ME3: variants seen among roughly 807,000 people sequenced by gnomAD.
The protein encoded by ME3 is malic enzyme 3.
ME3 carries 48 observed loss-of-function variants against 68.9 expected under a neutral mutation model. The observed-to-expected ratio is 0.70, with a 90% CI of 0.55 to 0.89. The LOEUF is 0.89. Among genes scored for constraint, ME3 ranks in the 40% least tolerant of loss-of-function variants. The pLI is 0.00. For synonymous variants in ME3, 320 were observed against 318.8 expected (o/e 1.00, Z -0.04); for missense variants, 675 against 797.4 (o/e 0.85, Z 1.85).
intron 7 of ME3, among the ~76,000 whole-genome samples, chr11:86,481,882 C>G (rs916174841): frequency 6.6e-6 from 1 of 152,172 alleles, no homozygotes; most frequent in Non-Finnish European, 1.5e-5. Flanking sequence ...TTATTCCATG[C>G]TCAGGGCAGA....
rs144532320 is a variant in ME3 at position 86,540,361 on chromosome 11, C to T, written c.467+16192G>A. 3.1e-3 allele frequency among the ~76,000 whole-genome samples: 466 copies of T among 152,334 alleles called. 4 individuals carry two copies. Among genetic ancestry groups the T allele is most frequent in the African/African-American group, 0.011 (453 of 41,568 alleles). On this transcript the variant is annotated intron_variant, in intron 4 of 14. Transcript: ENST00000543262. ...CCAGTCTACCGCTACTGGACATTCT[C>T]TCTTACATGTTAGCCCTGTATGTAA...
At chr11:86,532,484 C>G (rs1443776779) in intron 4 of ME3, among the ~76,000 whole-genome samples, 1 of 152,132 alleles carries the variant, frequency 6.6e-6, no homozygotes, top group African/African-American at 2.4e-5. Context: ...CAGGTCTTAA[C>G]AAATTTAAGG....
At chr11:86,460,349 G>A (rs545241238) in intron 8 of ME3, among the ~76,000 whole-genome samples, 7 of 152,188 alleles carry the variant, frequency 4.6e-5, no homozygotes, top group Non-Finnish European at 8.8e-5. Flanking sequence ...GCCCCTTGGG[G>A]TCAGTGATTC....
intron 12 of ME3, 146 bp downstream of exon 12, chr11:86,446,919 T>C (rs775742797): frequency 2.6e-6 from 3 of 1,134,634 alleles, no homozygotes; most frequent in Non-Finnish European, 3.7e-6. Flanking sequence ...CCTTATTAGC[T>C]CTTTGACCTT....
intron 2 of ME3, among the ~76,000 whole-genome samples, chr11:86,633,546 A>T (rs1259042056): frequency 6.6e-6 from 1 of 152,200 alleles, no homozygotes; most frequent in Non-Finnish European, 1.5e-5. Flanking sequence ...AAGAGAAATG[A>T]AAAGGTGCTA....
chr11:86,670,190 G>A lies in ME3; in HGVS notation c.183+1572C>T, dbSNP rs371446345. Among the ~76,000 whole-genome samples the A allele has an allele frequency of 3.5e-4, 54 of 152,336 alleles. No individual in the cohort carries two copies. In the South Asian group the frequency reaches 0.011, roughly 32 times the overall value. ...AGGATTCGCTTTCTGAGGCGTCAGAGAAAGGGTATTTTCTCTTCCCCAAGA... is the reference window on the plus strand; with the variant it reads ...AGGATTCGCTTTCTGAGGCGTCAGAAAAAGGGTATTTTCTCTTCCCCAAGA... On this transcript the variant is annotated intron_variant, in intron 2 of 14. Coordinates refer to ENST00000543262, the Ensembl canonical transcript of ME3.
chr11:86,475,900 G>GAGAA (rs1951056275), intron 7 of ME3, among the ~76,000 whole-genome samples: 2 of 143,386 alleles, frequency 1.4e-5, no homozygotes, highest in Admixed American at 1.4e-4. Flanking sequence ...GAGAGAGAGA[G>GAGAA]AAAGAGAAAG....
chr11:86,569,704 C>T (rs1163339694), intron 2 of ME3, among the ~76,000 whole-genome samples: 2 of 152,160 alleles, frequency 1.3e-5, no homozygotes, highest in East Asian at 1.9e-4. Flanking sequence ...TTACACTCAT[C>T]GTGTCCTCTC....
intron 13 of ME3, among the ~76,000 whole-genome samples, chr11:86,443,261 C>T (rs985103605): frequency 2.0e-5 from 3 of 152,316 alleles, no homozygotes; most frequent in Middle Eastern, 3.4e-3. Context: ...TCCCTGGGTC[C>T]CTCACTTCCT....
chr11:86,625,690 C>T (rs1943619217), intron 2 of ME3, among the ~76,000 whole-genome samples: 1 of 152,178 alleles, frequency 6.6e-6, no homozygotes, highest in South Asian at 2.1e-4. Flanking sequence ...GTCATGAAGC[C>T]AGCCTGATGA....
At chr11:86,609,049 T>C (rs188362958) in intron 2 of ME3, among the ~76,000 whole-genome samples, 1 of 152,322 alleles carries the variant, frequency 6.6e-6, no homozygotes, top group Admixed American at 6.5e-5. Flanking sequence ...TTTAGATAGA[T>C]TCTATAGTTA....
At chr11:86,517,460 A>G (rs2139158046) in intron 4 of ME3, among the ~76,000 whole-genome samples, 1 of 152,308 alleles carries the variant, frequency 6.6e-6, no homozygotes, top group Middle Eastern at 3.4e-3. Context: ...TCAGCATAAT[A>G]TGGCTAAGAA....
chr11:86,495,788 A>G (rs1320068260), intron 6 of ME3, among the ~76,000 whole-genome samples: 1 of 152,130 alleles, frequency 6.6e-6, no homozygotes, highest in Non-Finnish European at 1.5e-5. Flanking sequence ...AGGTGGTTTT[A>G]GAGGTTGAAG....
chr11:86,615,781 G>T (rs1340064199), intron 2 of ME3, among the ~76,000 whole-genome samples: 1 of 152,028 alleles, frequency 6.6e-6, no homozygotes, highest in African/African-American at 2.4e-5. Context: ...TGGGGCTGGG[G>T]GACAGAGTGA....
intron 8 of ME3, among the ~76,000 whole-genome samples, chr11:86,460,136 A>T (rs1056044655): frequency 6.6e-6 from 1 of 152,216 alleles, no homozygotes; most frequent in Non-Finnish European, 1.5e-5. Context: ...CTGAAACAAC[A>T]AAAGTCACCT....
chr11:86,641,414 A>G (rs1224313326), intron 2 of ME3, among the ~76,000 whole-genome samples: 1 of 152,196 alleles, frequency 6.6e-6, no homozygotes, highest in Non-Finnish European at 1.5e-5. Flanking sequence ...TCCTCATGGA[A>G]AGCATGGACC....
chr11:86,562,307 G>T (rs1485473276), intron 2 of ME3, among the ~76,000 whole-genome samples: 2 of 152,130 alleles, frequency 1.3e-5, no homozygotes, highest in Non-Finnish European at 1.5e-5. Flanking sequence ...AGAAAGCTTG[G>T]TTGCTTCCAG....
intron 7 of ME3, among the ~76,000 whole-genome samples, chr11:86,482,453 C>T (rs540178344): frequency 2.0e-5 from 3 of 152,012 alleles, no homozygotes; most frequent in South Asian, 2.1e-4. Context: ...CTCACGCCTT[C>T]CTATAGTGAG....
chr11:86,556,606 C>T (rs368673093), exon 4 of ME3: 35 of 1,614,084 alleles, frequency 2.2e-5, no homozygotes, highest in African/African-American at 1.9e-4. Context: ...CCACGGTAGG[C>T]GTGTACACGA....
Sources: allele counts gnomAD v4.1 joint callset (sites outside exome capture counted in the v4.1 genomes callset), GRCh38; gene constraint gnomAD v4.1.1; transcripts MANE v1.5; gene names NCBI Gene and HGNC (gene_info 2026-07-23, HGNC 2026-07-21).